The following PLCZ1 variants were observed in gnomAD, a reference collection of about 807,000 sequenced individuals.
The protein encoded by PLCZ1 is phospholipase C zeta 1.
In PLCZ1, 64 loss-of-function variants were observed where a neutral mutation model predicts 76.8. That is an observed-to-expected ratio of 0.83 (90% CI 0.68 to 1.03). The LOEUF (loss-of-function observed/expected upper bound fraction) is 1.03. PLCZ1 is among the 50% of genes least tolerant of loss of function. The probability of loss-of-function intolerance (pLI) is 0.00; values close to 1 mark genes in which losing one functional copy is unlikely to be tolerated. For missense variants in PLCZ1, 751 were observed against 713.7 expected (o/e 1.05, Z -0.60); for synonymous variants, 248 against 230.8 (o/e 1.07, Z -0.68).
At chr12:18,737,871 C>CT in intron 1 of PLCZ1, 61 bp downstream of exon 1, 1 of 281,184 alleles carries the variant, frequency 3.6e-6, no homozygotes, top group Non-Finnish European at 6.7e-6. Context: ...TGCTGTCACT[C>CT]TTGAAACTTT....
intron 5 of PLCZ1, among the ~76,000 whole-genome samples, chr12:18,716,576 T>C (rs534894788): frequency 1.3e-5 from 2 of 152,178 alleles, no homozygotes; most frequent in Non-Finnish European, 2.9e-5. Context: ...TTTATGATCA[T>C]TGTAAACCTT....
intron 6 of PLCZ1, among the ~76,000 whole-genome samples, chr12:18,708,428 G>T (rs145384084): frequency 8.3e-4 from 127 of 152,274 alleles, no homozygotes; most frequent in African/African-American, 1.3e-3. Flanking sequence ...ACACTAGGTT[G>T]TTTCCATATC....
chr12:18,656,844 C>T, the PLCZ1 span, among the ~76,000 whole-genome samples: 1 of 152,078 alleles, frequency 6.6e-6, no homozygotes. Context: ...TTTGCAACAA[C>T]AAAATGAATG....
chr12:18,683,268 G>A lies in PLCZ1; in HGVS notation c.1798C>T (p.Leu600=). ...CTGACGTACCAAACATAAACAAACA[G>A]TGAAGCAGGCTCAAGGCTCTCACCC... is the stretch of plus-strand genomic sequence containing the variant. ...RMGESLEPAS[L]FVYVWYVR is the part of the protein sequence containing the mutation. Residue 600 remains leucine, a synonymous_variant, in exon 15 of 15, where the codon CTG becomes TTG. Transcript: ENST00000266505. 6.2e-7 allele frequency: 1 copy of A among 1,612,558 alleles called. No individual in the cohort carries two copies. The highest frequency in any genetic ancestry group is 2.2e-5 in the East Asian group (1 of 44,820).
At chr12:18,713,026 C>G in intron 5 of PLCZ1, 40 bp from the exon 6 acceptor site, 1 of 1,610,154 alleles carries the variant, frequency 6.2e-7, no homozygotes, top group Non-Finnish European at 8.5e-7. Flanking sequence ...ACTCCTGGAC[C>G]ATTAAAAATA....
At chr12:18,691,826 T>G (rs1168543862) in intron 12 of PLCZ1, among the ~76,000 whole-genome samples, 3 of 152,130 alleles carry the variant, frequency 2.0e-5, no homozygotes, top group African/African-American at 7.2e-5. Flanking sequence ...ACAAACTCCT[T>G]AACAGACAAT....
At chr12:18,735,395 G>A (rs960044373) in intron 3 of PLCZ1, among the ~76,000 whole-genome samples, 2 of 151,846 alleles carry the variant, frequency 1.3e-5, no homozygotes, top group African/African-American at 4.8e-5. Flanking sequence ...TTTCTTCGTT[G>A]GGCAGTTTTT....
chr12:18,650,712 C>CTATCTA, the PLCZ1 span, among the ~76,000 whole-genome samples: 2 of 14,618 alleles, frequency 1.4e-4, no homozygotes, highest in African/African-American at 5.7e-4. Context: ...GTGTATATAT[C>CTATCTA]TATATATATA....
downstream of PLCZ1, among the ~76,000 whole-genome samples, chr12:18,679,365 T>G (rs1952219667): frequency 6.6e-6 from 1 of 152,070 alleles, no homozygotes; most frequent in South Asian, 2.1e-4. Context: ...AAACCTTTGC[T>G]TATCCCAAGA....
At chr12:18,683,573 A>C in intron 14 of PLCZ1, 2 of 1,470,024 alleles carry the variant, frequency 1.4e-6, no homozygotes, top group Non-Finnish European at 1.8e-6. Context: ...TGCATGATCC[A>C]AAATTAGCCA....
the PLCZ1 span, among the ~76,000 whole-genome samples, chr12:18,651,278 T>A: frequency 2.0e-3 from 301 of 152,112 alleles, 1 homozygote; most frequent in African/African-American, 6.8e-3. Flanking sequence ...CTCTCTCAAA[T>A]CCTGCTCAGA....
the PLCZ1 span, among the ~76,000 whole-genome samples, chr12:18,661,924 T>C: frequency 6.6e-6 from 1 of 151,942 alleles, no homozygotes; most frequent in African/African-American, 2.4e-5. Flanking sequence ...CACCATGAAA[T>C]ACTACACATC....
intron 2 of PLCZ1, chr12:18,736,778 T>A: frequency 1.2e-6 from 1 of 816,174 alleles, no homozygotes; most frequent in Non-Finnish European, 1.8e-6. Context: ...TTAGATGAAT[T>A]CCTAATATGC....
the PLCZ1 span, among the ~76,000 whole-genome samples, chr12:18,658,320 G>T: frequency 6.6e-6 from 1 of 152,134 alleles, no homozygotes; most frequent in Non-Finnish European, 1.5e-5. Flanking sequence ...TTCACTTGAT[G>T]AATTACATCC....
chr12:18,706,300 G>A (rs767898450), intron 6 of PLCZ1, among the ~76,000 whole-genome samples: 5 of 151,318 alleles, frequency 3.3e-5, no homozygotes, highest in East Asian at 3.9e-4. Flanking sequence ...AGTTATCTAC[G>A]GGTTTATGAA....
At chr12:18,693,276 A>G in intron 12 of PLCZ1, 1 of 1,518,804 alleles carries the variant, frequency 6.6e-7, no homozygotes, top group South Asian at 1.1e-5. Context: ...GATGGATGAC[A>G]TGGATCCCCT....
chr12:18,674,846 G>T, the PLCZ1 span, among the ~76,000 whole-genome samples: 1 of 152,090 alleles, frequency 6.6e-6, no homozygotes, highest in Non-Finnish European at 1.5e-5. Context: ...GCTCTTGTCC[G>T]CTTAGAACAC....
At chr12:18,647,724 T>TAAAAATAAATAAAATA in the PLCZ1 span, among the ~76,000 whole-genome samples, 4 of 152,146 alleles carry the variant, frequency 2.6e-5, no homozygotes, top group Non-Finnish European at 5.9e-5. Context: ...CTTTTCAGAA[T>TAAAAATAAATAAAATA]AAAAGTTAGA....
At chr12:18,700,190 A>C (rs867115316) in intron 9 of PLCZ1, among the ~76,000 whole-genome samples, 53 of 152,140 alleles carry the variant, frequency 3.5e-4, no homozygotes, top group Middle Eastern at 3.4e-3. Context: ...TGAGGACCAC[A>C]ATTATTACTA....
Sources: gnomAD v4.1 joint callset for allele counts (sites outside exome capture counted in the v4.1 genomes callset) on GRCh38, gnomAD v4.1.1 for gene constraint, MANE v1.5 for transcripts, NCBI Gene and HGNC (gene_info 2026-07-23, HGNC 2026-07-21) for gene names.